ZMYM5: variants seen among roughly 807,000 people sequenced by gnomAD.
The protein encoded by ZMYM5 is zinc finger MYM-type protein 5.
A neutral mutation model predicts 61.8 loss-of-function variants in ZMYM5; 41 were observed. The observed-to-expected ratio is 0.66, with a 90% CI of 0.52 to 0.86. ZMYM5 has a LOEUF of 0.86. Ranked by LOEUF, ZMYM5 falls within the 40% of genes least tolerant of loss-of-function variation. ZMYM5 has a pLI of 0.00. For synonymous variants in ZMYM5, 257 were observed against 276.4 expected, an observed-to-expected ratio of 0.93 and a Z score of 0.70; for missense variants, 706 against 786.7, an observed-to-expected ratio of 0.90 and a Z score of 1.23.
At chr13:19,856,046 A>AAACAAC (rs977316356) in intron 2 of ZMYM5, among the ~76,000 whole-genome samples, 1 of 151,918 alleles carries the variant, frequency 6.6e-6, no homozygotes, top group Admixed American at 6.6e-5. Flanking sequence ...AAAAACAAAC[A>AAACAAC]AACAACAACA....
chr13:19,831,460 A>T (rs1566086442), intron 7 of ZMYM5, among the ~76,000 whole-genome samples: 3 of 151,948 alleles, frequency 2.0e-5, no homozygotes, highest in African/African-American at 7.3e-5. Flanking sequence ...ACATGGTAGA[A>T]TGAGCACTTT....
intron 6 of ZMYM5, among the ~76,000 whole-genome samples, chr13:19,836,835 T>G (rs182732402): frequency 1.5e-3 from 231 of 152,258 alleles, no homozygotes; most frequent in African/African-American, 5.0e-3. Flanking sequence ...AAGTGAGGAC[T>G]GCCTGCATGC....
At chr13:19,845,827 C>T (rs1176403813) in intron 4 of ZMYM5, among the ~76,000 whole-genome samples, 2 of 152,170 alleles carry the variant, frequency 1.3e-5, no homozygotes, top group Non-Finnish European at 2.9e-5. Flanking sequence ...CTGATGTGTT[C>T]ACCAACCAAA....
In ZMYM5 at chr13:19,837,796, C is replaced by T. The variant is rs1406201341; in HGVS notation, c.898G>A (p.Val300Ile). The T allele has an allele frequency of 6.3e-7, 1 of 1,592,182 alleles. No individual in the cohort carries two copies. Among genetic ancestry groups the T allele is most frequent in the Non-Finnish European group, 8.5e-7 (1 of 1,175,426 alleles). ...KKDASTKKAN[V>I]ILPVESSKSF... The stretch of plus-strand genomic sequence containing the variant: ...TTGCTTGATTCTACTGGAAGAATGA[C>T]ATTAGCCTTCTTTGTAGATGCATCT... The change falls in exon 6 of 8, where the codon GTC (valine) becomes ATC (isoleucine). Residue 300 changes from valine to isoleucine, a missense_variant. By Grantham distance (29) the Val-to-Ile change is conservative. This residue lies in a region of ZMYM5 where 480 missense variants were observed against 461.7 expected (regional missense o/e 1.04). Coordinates refer to ENST00000337963, the MANE Select transcript of ZMYM5 (RefSeq NM_001142684.2).
chr13:19,840,481 C>T (rs1952829000), intron 4 of ZMYM5, among the ~76,000 whole-genome samples: 1 of 152,150 alleles, frequency 6.6e-6, no homozygotes, highest in Admixed American at 6.5e-5. Context: ...TCAAGCGATC[C>T]TCCCATCTCA....
intron 7 of ZMYM5, among the ~76,000 whole-genome samples, chr13:19,831,222 G>A (rs1336051347): frequency 1.3e-5 from 2 of 150,768 alleles, no homozygotes; most frequent in Admixed American, 1.3e-4. Context: ...GACCTCCCAA[G>A]CTCAGGCCAT....
intron 7 of ZMYM5, among the ~76,000 whole-genome samples, chr13:19,832,032 A>AT (rs750053015): frequency 1.3e-5 from 2 of 150,602 alleles, no homozygotes; most frequent in East Asian, 4.1e-4. Flanking sequence ...AACTTTTTGT[A>AT]TTTTTTGTAG....
At chr13:19,843,334 T>C (rs1304617814) in intron 4 of ZMYM5, 1 of 117,176 alleles carries the variant, frequency 8.5e-6, no homozygotes, top group African/African-American at 3.4e-5. Context: ...GAGGTAGAGG[T>C]TGCAGTGAGC....
In ZMYM5 at chr13:19,851,295, T is replaced by C. The variant is rs576640011; in HGVS notation, c.586+60A>G. The C allele has an allele frequency of 4.5e-5, 64 of 1,427,886 alleles. No individual in the cohort carries two copies. In the East Asian group the frequency reaches 1.4e-3, roughly 31 times the overall value. The allele number at this position is 1,427,886 out of a possible 1,614,324, so 88.5% of individuals were successfully genotyped here. A position where few individuals can be genotyped will look rare whatever the true frequency, so the allele number is the denominator to read the frequency against. Reference sequence around the variant, plus strand: ...TGAATAAAATAGATATGAGCTTTACTAAAAAGAACAGCCAAAGGCTTATTT... The same window carrying C: ...TGAATAAAATAGATATGAGCTTTACCAAAAAGAACAGCCAAAGGCTTATTT... On this transcript the variant is annotated intron_variant, in intron 4 of 7. Coordinates refer to ENST00000337963, the MANE Select transcript of ZMYM5 (RefSeq NM_001142684.2).
intron 7 of ZMYM5, among the ~76,000 whole-genome samples, chr13:19,826,737 G>C (rs1890935252): frequency 1.3e-5 from 2 of 149,722 alleles, no homozygotes; most frequent in East Asian, 1.9e-4. Context: ...CTGGGCGACA[G>C]GAGGGAGACT....
intron 4 of ZMYM5, among the ~76,000 whole-genome samples, chr13:19,843,944 T>C (rs1952984487): frequency 6.6e-6 from 1 of 151,374 alleles, no homozygotes. Context: ...CCATCCTGGC[T>C]ATAACATGGT....
chr13:19,823,616 T>G lies in ZMYM5; in HGVS notation c.*861A>C, dbSNP rs906342536. The G allele has an allele frequency of 2.6e-5, 4 of 152,240 alleles. No individual in the cohort carries two copies. The highest frequency in any genetic ancestry group is 9.6e-5 in the African/African-American group (4 of 41,556). The allele number at this position is 152,240 out of a possible 1,614,324, so 9.4% of individuals were successfully genotyped here. On this transcript the variant is annotated 3_prime_UTR_variant, in exon 8 of 8. Transcript: ENST00000337963. ...AAACATAAAACCAATAAAATGGAAA[T>G]TAACCATCATTAACATAACAAATAA...
chr13:19,834,080 G>A (rs971740002), intron 7 of ZMYM5, among the ~76,000 whole-genome samples: 9 of 152,204 alleles, frequency 5.9e-5, no homozygotes, highest in African/African-American at 1.9e-4. Flanking sequence ...AGGTTCAAGC[G>A]ATTCTCCTGC....
intron 4 of ZMYM5, among the ~76,000 whole-genome samples, chr13:19,842,960 C>CAAA (rs753799756): frequency 1.8e-4 from 14 of 77,772 alleles, no homozygotes; most frequent in African/African-American, 6.7e-4. Flanking sequence ...AACTCCATCT[C>CAAA]AAAAAAAAAA....
intron 4 of ZMYM5, among the ~76,000 whole-genome samples, chr13:19,845,399 G>A (rs565682603): frequency 1.0e-3 from 157 of 152,270 alleles, no homozygotes; most frequent in Non-Finnish European, 1.7e-3. Context: ...AACCGTACTA[G>A]CAGTTTTCAC....
chr13:19,855,568 A>T (rs1294246379), intron 2 of ZMYM5, among the ~76,000 whole-genome samples: 2 of 151,794 alleles, frequency 1.3e-5, no homozygotes, highest in Non-Finnish European at 2.9e-5. Flanking sequence ...GGCCCACAGT[A>T]TCTTCTTATG....
intron 6 of ZMYM5, 150 bp downstream of exon 6, chr13:19,837,506 T>C (rs777337868): frequency 6.3e-7 from 1 of 1,594,594 alleles, no homozygotes; most frequent in South Asian, 1.2e-5. Flanking sequence ...TCCCATAAGA[T>C]AGTTCTAACA....
chr13:19,831,344 C>T (rs1389321880), intron 7 of ZMYM5, among the ~76,000 whole-genome samples: 2 of 151,846 alleles, frequency 1.3e-5, no homozygotes, highest in Non-Finnish European at 2.9e-5. Context: ...AGGCTGCTCT[C>T]CAACTCCTGG....
chr13:19,841,246 G>A (rs1300886451), intron 4 of ZMYM5, among the ~76,000 whole-genome samples: 1 of 152,162 alleles, frequency 6.6e-6, no homozygotes, highest in Non-Finnish European at 1.5e-5. Flanking sequence ...ACAGGCGTGA[G>A]CCACTGGGCC....
Sources: allele counts gnomAD v4.1 joint callset (sites outside exome capture counted in the v4.1 genomes callset), GRCh38; gene constraint gnomAD v4.1.1; regional missense constraint gnomAD v4.1.1; transcripts MANE v1.5; gene names NCBI Gene and HGNC (gene_info 2026-07-23, HGNC 2026-07-21).